The following SET variants were observed in gnomAD, a reference collection of about 807,000 sequenced individuals.
The protein encoded by SET is protein SET.
In SET, 4 loss-of-function variants were observed where a neutral mutation model predicts 39.0. That is an observed-to-expected ratio of 0.10 (90% CI 0.05 to 0.23). SET has a LOEUF of 0.23. Among genes scored for constraint, SET ranks in the 10% least tolerant of loss-of-function variants. The probability of loss-of-function intolerance (pLI) is 1.00; values close to 1 mark genes in which losing one functional copy is unlikely to be tolerated. For synonymous variants in SET, 114 were observed against 115.9 expected (o/e 0.98, Z 0.11); for missense variants, 137 against 329.7 (o/e 0.42, Z 4.53).
At chr9:128,689,722 C>T (rs888952957) in intron 1 of SET, 67 bp downstream of exon 1, 35 of 331,210 alleles carry the variant, frequency 1.1e-4, no homozygotes, top group African/African-American at 7.3e-4. Context: ...GCCCGCAGGC[C>T]GCCGGCGGGG....
upstream of SET, among the ~76,000 whole-genome samples, chr9:128,686,197 C>T (rs893656405): frequency 1.3e-5 from 2 of 152,114 alleles, no homozygotes; most frequent in East Asian, 1.9e-4. Context: ...GCCCCCGGCT[C>T]GCCTGTGTTT....
At position 128,692,906 on chromosome 9, in the gene SET, C is replaced by T. The variant is rs1419684311; in HGVS notation, c.417C>T (p.Leu139=). 1.2e-5 allele frequency: 19 copies of T among 1,604,386 alleles called. No individual in the cohort carries two copies. The highest frequency in any genetic ancestry group is 1.6e-5 in the Non-Finnish European group (19 of 1,171,838). ...ATCCTTACTTTGAAAATAAAGTTCT[C>T]TCCAAAGAATTTCATCTGAATGAGA... The part of the protein sequence containing the change: ...DENPYFENKV[L]SKEFHLNESG... The change falls in exon 5 of 8, where the codon CTC becomes CTT. Residue 139 remains leucine (L), a synonymous_variant. Coordinates refer to ENST00000322030, the MANE Select transcript of SET (RefSeq NM_003011.4).
At position 128,695,381 on chromosome 9, in the gene SET, C is replaced by G. The variant is rs1861697152; in HGVS notation, c.*717C>G. 4.5e-6 allele frequency: 1 copy of G among 224,516 alleles called. No individual in the cohort carries two copies. Among genetic ancestry groups the G allele is most frequent in the East Asian group, 6.4e-5 (1 of 15,620 alleles). 13.9% of individuals were successfully genotyped at this position (224,516 alleles called of 1,614,324 possible). On this transcript the variant is annotated 3_prime_UTR_variant, in exon 8 of 8. Transcript: ENST00000322030. ...GGAGAATCAGCAGAACCTGTAGGAT[C>G]TTATTTGGAATTGACATTCTCTATT...
At position 128,694,699 on chromosome 9, in the gene SET, T is replaced by A. The variant is rs747129594; in HGVS notation, c.*35T>A. 16 of 1,394,082 alleles carry A rather than the reference T, an allele frequency of 1.1e-5. No individual in the cohort carries two copies. Among genetic ancestry groups the A allele is most frequent in the South Asian group, 3.8e-5 (3 of 78,048 alleles). 86.4% of individuals were successfully genotyped at this position (1,394,082 alleles called of 1,614,324 possible). A position where few individuals can be genotyped will look rare whatever the true frequency, so the allele number is the denominator to read the frequency against. ...TGATGGATTCCAACCTTCCTTTTTT[T>A]AAATTTTCTCCAGTCCCTGGGAGCA... On this transcript the variant is annotated 3_prime_UTR_variant, in exon 8 of 8. Coordinates refer to ENST00000322030, the MANE Select transcript of SET (RefSeq NM_003011.4).
chr9:128,684,625 G>GA (rs1861228454), upstream of SET, among the ~76,000 whole-genome samples: 1 of 151,788 alleles, frequency 6.6e-6, no homozygotes. Flanking sequence ...TCACACTTCT[G>GA]AGACTCCCCA....
At chr9:128,685,168 A>G (rs1389155990), upstream of SET, 2 of 1,594,698 alleles carry the variant, frequency 1.3e-6, no homozygotes, top group East Asian at 2.2e-5. Flanking sequence ...TTTCCTCCAC[A>G]TGGGATGCAG....
At chr9:128,683,535 T>G, upstream of SET, 1 of 256,086 alleles carries the variant, frequency 3.9e-6, no homozygotes. Context: ...CCTGTCTACC[T>G]GGGGGTTTGG....
intron 5 of SET, 93 bp downstream of exon 5, chr9:128,693,074 G>A (rs1020135267): frequency 2.5e-6 from 2 of 808,886 alleles, no homozygotes; most frequent in East Asian, 2.6e-5. Context: ...TTGGTCATGT[G>A]GCTAAATACA....
chr9:128,685,788 TTGGG>T (rs1351308805), upstream of SET, among the ~76,000 whole-genome samples: 1 of 152,024 alleles, frequency 6.6e-6, no homozygotes, highest in African/African-American at 2.4e-5. Flanking sequence ...TCCCAGCACT[TTGGG>T]AGGCCGAGGT....
intron 1 of SET, chr9:128,690,820 C>A (rs989203891): frequency 4.0e-6 from 1 of 252,574 alleles, no homozygotes; most frequent in African/African-American, 2.3e-5. Flanking sequence ...TGCTACTGTT[C>A]TCTTGCAAGT....
At chr9:128,686,096 G>C (rs938548965), upstream of SET, among the ~76,000 whole-genome samples, 7 of 152,068 alleles carry the variant, frequency 4.6e-5, no homozygotes, top group Non-Finnish European at 8.8e-5. Context: ...CTGAGTGAGG[G>C]GAGAGGCCAA....
At chr9:128,688,204 C>G (rs1305392261), upstream of SET, among the ~76,000 whole-genome samples, 2 of 152,180 alleles carry the variant, frequency 1.3e-5, no homozygotes, top group African/African-American at 4.8e-5. Context: ...GAGCAAGACT[C>G]CCGTCTCAAA....
chr9:128,685,262 G>A (rs1342204968), upstream of SET: 1 of 1,449,314 alleles, frequency 6.9e-7, no homozygotes, highest in Admixed American at 1.9e-5. Flanking sequence ...TATAAAATGG[G>A]ATCCACAGTA....
At chr9:128,692,412 A>AG in intron 3 of SET, 1 of 258,618 alleles carries the variant, frequency 3.9e-6, no homozygotes, top group Middle Eastern at 1.4e-3. Context: ...AAAAAAAAAA[A>AG]AAAAAAAAAA....
intron 1 of SET, chr9:128,690,125 C>G (rs1187324138): frequency 4.1e-6 from 1 of 243,444 alleles, no homozygotes; most frequent in Non-Finnish European, 6.6e-6. Flanking sequence ...GAGGCTGGCC[C>G]CGGCGGGGCT....
At chr9:128,684,365 C>A (rs1861217527), upstream of SET, among the ~76,000 whole-genome samples, 1 of 152,118 alleles carries the variant, frequency 6.6e-6, no homozygotes, top group African/African-American at 2.4e-5. Flanking sequence ...GGTGGTTCTA[C>A]CTCAGTATCT....
At chr9:128,686,553 A>G (rs76688687), upstream of SET, among the ~76,000 whole-genome samples, 108 of 152,284 alleles carry the variant, frequency 7.1e-4, 2 homozygotes, top group East Asian at 0.012. Context: ...CGTGAAATCA[A>G]TTTGGTGGGG....
At chr9:128,685,013 G>T, upstream of SET, 2 of 1,456,080 alleles carry the variant, frequency 1.4e-6, no homozygotes, top group Non-Finnish European at 1.8e-6. Flanking sequence ...CCTGGGCTGG[G>T]TGTGGATAGG....
chr9:128,693,532 GA>G, intron 5 of SET, 105 bp from the exon 6 acceptor site: 1 of 1,175,252 alleles, frequency 8.5e-7, no homozygotes, highest in Non-Finnish European at 1.2e-6. Context: ...ATAGTATACT[GA>G]TATTTGTTTT....
Sources: gnomAD v4.1 joint callset for allele counts (sites outside exome capture counted in the v4.1 genomes callset) on GRCh38, gnomAD v4.1.1 for gene constraint, MANE v1.5 for transcripts, NCBI Gene and HGNC (gene_info 2026-07-23, HGNC 2026-07-21) for gene names.